The following PCDHA4 variants were observed in gnomAD, a reference collection of about 807,000 sequenced individuals.
The protein encoded by PCDHA4 is protocadherin alpha 4, also known as protocadherin alpha-4.
A neutral mutation model predicts 61.4 loss-of-function variants in PCDHA4; 49 were observed. The ratio of observed to expected loss-of-function variants is 0.80; its 90% CI spans 0.63 to 1.01. The LOEUF (loss-of-function observed/expected upper bound fraction) is 1.01, where lower values mean the gene tolerates loss of function less well. Ranked by LOEUF, PCDHA4 falls within the 50% of genes least tolerant of loss-of-function variation. The pLI is 0.00. For missense variants in PCDHA4, 1,254 were observed against 1,235.8 expected (o/e 1.01, Z -0.22); for synonymous variants, 590 against 550.3 (o/e 1.07, Z -1.01).
chr5:140,848,483 C>CT, intron 1 of PCDHA4: 1 of 1,570,026 alleles, frequency 6.4e-7, no homozygotes. Flanking sequence ...TAGAAGAAGA[C>CT]TGAGTATTTG....
chr5:140,854,720 C>G (rs2043201249), intron 1 of PCDHA4: 1 of 149,654 alleles, frequency 6.7e-6, no homozygotes, highest in African/African-American at 2.4e-5. Flanking sequence ...AGACAGAAAA[C>G]TCAAGTTTTT....
chr5:140,889,518 ATAT>A (rs2062258374), intron 1 of PCDHA4, among the ~76,000 whole-genome samples: 1 of 151,708 alleles, frequency 6.6e-6, no homozygotes, highest in South Asian at 2.1e-4. Flanking sequence ...TCCATTCTTG[ATAT>A]TATTTTTGCT....
chr5:140,989,533 T>A (rs114286041), intron 3 of PCDHA4, among the ~76,000 whole-genome samples: 1 of 152,158 alleles, frequency 6.6e-6, no homozygotes, highest in Non-Finnish European at 1.5e-5. Context: ...AGGAGGAAGA[T>A]AGTTTGTAAT....
intron 1 of PCDHA4, chr5:140,877,314 G>C (rs2057020187): frequency 6.2e-7 from 1 of 1,613,972 alleles, no homozygotes; most frequent in Non-Finnish European, 8.5e-7. Flanking sequence ...TGCAACCGGC[G>C]GCGGTCGGCG....
intron 3 of PCDHA4, among the ~76,000 whole-genome samples, chr5:140,987,698 A>T (rs1213489735): frequency 6.6e-6 from 1 of 152,142 alleles, no homozygotes; most frequent in African/African-American, 2.4e-5. Flanking sequence ...TTTTTAAATG[A>T]TTTTTCCAGG....
chr5:141,010,291 G>A lies in PCDHA4; in HGVS notation c.*354G>A. ...GGATCCTGTCTTGATGACACTTGCA[G>A]GGCAGGCTGAAAAGTTTTGAGATTG... On this transcript the variant is annotated 3_prime_UTR_variant, in exon 4 of 4. Coordinates refer to ENST00000530339, the MANE Select transcript of PCDHA4 (RefSeq NM_018907.4). 1.3e-6 allele frequency: 2 copies of A among 1,549,990 alleles called. No individual in the cohort carries two copies. The highest frequency in any genetic ancestry group is 1.2e-5 in the South Asian group (1 of 83,762).
intron 3 of PCDHA4, among the ~76,000 whole-genome samples, chr5:140,985,739 CTT>C (rs11372071): frequency 4.2e-4 from 50 of 117,920 alleles, no homozygotes; most frequent in Middle Eastern, 4.8e-3. Context: ...TGATGAATTC[CTT>C]TTTTTTTTTT....
intron 1 of PCDHA4, chr5:140,811,505 A>G (rs1214615927): frequency 6.6e-6 from 1 of 152,172 alleles, no homozygotes; most frequent in African/African-American, 2.4e-5. Context: ...ATGATTTATA[A>G]TCCTTTAGAT....
At position 141,005,925 on chromosome 5, in the gene PCDHA4, T is replaced by C. The variant is rs368127914; in HGVS notation, c.2534-3702T>C. On this transcript the variant is annotated intron_variant, in intron 3 of 3. Transcript: ENST00000530339. ...TTGCACCACTGCACTTCAGCCTGGT[T>C]GACAGAGTGAGAACCTATCTCTAAC... 4.1e-4 allele frequency among the ~76,000 whole-genome samples: 62 copies of C among 151,990 alleles called. 1 individual carries two copies. The highest frequency in any genetic ancestry group is 1.4e-3 in the African/African-American group (59 of 41,476).
chr5:140,887,052 G>A (rs1187906559), intron 1 of PCDHA4, among the ~76,000 whole-genome samples: 1 of 151,228 alleles, frequency 6.6e-6, no homozygotes, highest in Non-Finnish European at 1.5e-5. Flanking sequence ...TAGTGCATAT[G>A]TTCTGGCAAC....
chr5:140,882,668 C>T, intron 1 of PCDHA4: 1 of 1,614,138 alleles, frequency 6.2e-7, no homozygotes, highest in Non-Finnish European at 8.5e-7. Context: ...GCCCATATTC[C>T]CTGAAAGCAA....
chr5:140,870,397 C>T (rs1554164199), intron 1 of PCDHA4: 2 of 1,614,230 alleles, frequency 1.2e-6, no homozygotes, highest in South Asian at 1.1e-5. Flanking sequence ...TGGGGGTTCG[C>T]CTTCTCTGTG....
At chr5:140,926,899 G>T (rs1554203765) in intron 1 of PCDHA4, 28 of 1,552,028 alleles carry the variant, frequency 1.8e-5, no homozygotes, top group Non-Finnish European at 2.4e-5. Context: ...GAGGATGGTG[G>T]GCTGTGGGGT....
At chr5:140,849,902 G>A (rs1297576408) in intron 1 of PCDHA4, 3 of 1,598,418 alleles carry the variant, frequency 1.9e-6, no homozygotes, top group Non-Finnish European at 2.6e-6. Context: ...AGAACAACCC[G>A]CCGGGCTGCC....
chr5:140,969,023 C>T lies in PCDHA4; in HGVS notation c.2386-9926C>T. ...CTTCTGTGGAGTAAGGGAAAGGTCC[C>T]CTGCAGAACTGTACAAACAAGCCAA... is the stretch of plus-strand genomic sequence containing the variant. On this transcript the variant is annotated intron_variant, in intron 1 of 3. Coordinates refer to ENST00000530339, the MANE Select transcript of PCDHA4 (RefSeq NM_018907.4). The T allele has an allele frequency of 3.1e-6, 5 of 1,614,124 alleles. No homozygotes were observed. In the Admixed American group the frequency reaches 5.0e-5, roughly 16 times the overall value.
rs551967990 is a variant in PCDHA4 at position 140,858,294 on chromosome 5, C to G, written c.2385+48722C>G. ...AGCGCGGTGGGGAGCTGGTCTTACTCGCAGCAGAGGCGGCAGAGGGTGTGT... is the reference window on the plus strand; with the variant it reads ...AGCGCGGTGGGGAGCTGGTCTTACTGGCAGCAGAGGCGGCAGAGGGTGTGT... On this transcript the variant is annotated intron_variant, in intron 1 of 3. Transcript: ENST00000530339. 3 of 1,597,466 alleles carry G rather than the reference C, an allele frequency of 1.9e-6. No individual in the cohort carries two copies. The African/African-American group carries it at 4.0e-5, about 21-fold the overall frequency.
At chr5:140,823,380 C>A (rs2150125210) in intron 1 of PCDHA4, 14 of 1,612,688 alleles carry the variant, frequency 8.7e-6, no homozygotes, top group South Asian at 5.5e-5. Context: ...TCCAGGTGAG[C>A]GCGCGCGACG....
At chr5:140,857,676 C>T (rs1178476676) in intron 1 of PCDHA4, 1 of 1,596,974 alleles carries the variant, frequency 6.3e-7, no homozygotes, top group Non-Finnish European at 8.6e-7. Context: ...GGCGTGCCGC[C>T]TCTGGGCAGC....
intron 1 of PCDHA4, chr5:140,876,731 C>T (rs782483829): frequency 1.7e-5 from 27 of 1,614,124 alleles, no homozygotes; most frequent in Non-Finnish European, 1.9e-5. Context: ...AGCGTGTCGG[C>T]CTATGAGCTG....
Sources: gnomAD v4.1 joint callset for allele counts (sites outside exome capture counted in the v4.1 genomes callset) on GRCh38, gnomAD v4.1.1 for gene constraint, MANE v1.5 for transcripts, NCBI Gene and HGNC (gene_info 2026-07-23, HGNC 2026-07-21) for gene names.